DPYD: variants seen among roughly 807,000 people sequenced by gnomAD.
DPYD encodes dihydropyrimidine dehydrogenase [NADP(+)].
In DPYD, 109 loss-of-function variants were observed where a neutral mutation model predicts 116.2. The ratio of observed to expected loss-of-function variants is 0.94; its 90% CI spans 0.80 to 1.10. DPYD has a LOEUF of 1.10. DPYD is among the 50% of genes least tolerant of loss of function. The probability of loss-of-function intolerance (pLI) is 0.00; values close to 1 mark genes in which losing one functional copy is unlikely to be tolerated. For missense variants in DPYD, 1,302 were observed against 1,254.5 expected (o/e 1.04, Z -0.57); for synonymous variants, 440 against 432.0 (o/e 1.02, Z -0.23).
chr1:97,808,319 A>G (rs763996573), intron 3 of DPYD, among the ~76,000 whole-genome samples: 22 of 152,014 alleles, frequency 1.4e-4, no homozygotes, highest in Non-Finnish European at 2.5e-4. Context: ...CCTCATATAG[A>G]TTTTGTACCT....
chr1:97,753,342 A>G (rs1016960984), intron 3 of DPYD, among the ~76,000 whole-genome samples: 5 of 152,206 alleles, frequency 3.3e-5, no homozygotes, highest in African/African-American at 1.2e-4. Flanking sequence ...CTAAAAATCT[A>G]TAATTCTGGT....
At chr1:97,089,451 T>C (rs1013445477) in intron 21 of DPYD, among the ~76,000 whole-genome samples, 2 of 152,182 alleles carry the variant, frequency 1.3e-5, no homozygotes, top group African/African-American at 4.8e-5. Context: ...TGGTTTCTTT[T>C]CTCTAGCACA....
intron 2 of DPYD, among the ~76,000 whole-genome samples, chr1:97,862,902 C>T (rs1041883901): frequency 7.9e-5 from 12 of 151,782 alleles, no homozygotes; most frequent in African/African-American, 2.2e-4. Context: ...GAAAAACATG[C>T]CCATTTGGAC....
intron 3 of DPYD, among the ~76,000 whole-genome samples, chr1:97,803,927 TAA>T (rs1667957355): frequency 6.6e-6 from 1 of 151,856 alleles, no homozygotes; most frequent in African/African-American, 2.4e-5. Context: ...TACCTGGACT[TAA>T]AATATCAAGA....
intron 8 of DPYD, among the ~76,000 whole-genome samples, chr1:97,614,737 T>C (rs1392699057): frequency 6.6e-6 from 1 of 152,162 alleles, no homozygotes; most frequent in African/African-American, 2.4e-5. Flanking sequence ...ATGTACAGGA[T>C]TATTTAATGT....
At chr1:97,668,331 G>A (rs1188932156) in intron 8 of DPYD, among the ~76,000 whole-genome samples, 1 of 151,968 alleles carries the variant, frequency 6.6e-6, no homozygotes, top group Non-Finnish European at 1.5e-5. Flanking sequence ...TACTTGAGAA[G>A]GTTACTTAAT....
chr1:97,383,759 A>G (rs985367806), intron 14 of DPYD, among the ~76,000 whole-genome samples: 1 of 152,144 alleles, frequency 6.6e-6, no homozygotes, highest in Non-Finnish European at 1.5e-5. Flanking sequence ...TTGCTAGCCC[A>G]AAGCACATAC....
intron 10 of DPYD, 149 bp downstream of exon 10, chr1:97,593,069 G>A: frequency 3.3e-6 from 3 of 906,842 alleles, no homozygotes; most frequent in Non-Finnish European, 5.0e-6. Flanking sequence ...TGGAATGTCT[G>A]AATTAGAAAA....
At chr1:97,180,356 C>A (rs1466559775) in intron 20 of DPYD, among the ~76,000 whole-genome samples, 3 of 152,022 alleles carry the variant, frequency 2.0e-5, no homozygotes, top group Non-Finnish European at 4.4e-5. Flanking sequence ...GGAGATATAA[C>A]AAATACATGT....
At chr1:97,762,572 A>G (rs1478770739) in intron 3 of DPYD, among the ~76,000 whole-genome samples, 1 of 152,130 alleles carries the variant, frequency 6.6e-6, no homozygotes, top group East Asian at 1.9e-4. Context: ...AAAACTGCTT[A>G]GATTTTGTTA....
chr1:97,722,210 G>T (rs143355594), intron 4 of DPYD, among the ~76,000 whole-genome samples: 50 of 151,520 alleles, frequency 3.3e-4, no homozygotes, highest in African/African-American at 1.0e-3. Context: ...TAATCAAAAG[G>T]AAGAATTGCA....
chr1:97,865,447 G>A (rs921647628), intron 2 of DPYD, among the ~76,000 whole-genome samples: 4 of 151,778 alleles, frequency 2.6e-5, no homozygotes, highest in Admixed American at 2.6e-4. Flanking sequence ...TCAATACTGG[G>A]TATTCATTCA....
chr1:97,469,469 T>C (rs1461650877), intron 13 of DPYD, among the ~76,000 whole-genome samples: 1 of 150,168 alleles, frequency 6.7e-6, no homozygotes, highest in Admixed American at 6.7e-5. Flanking sequence ...AGAAACCTTT[T>C]TGGTTGTAGT....
intron 18 of DPYD, among the ~76,000 whole-genome samples, chr1:97,268,494 T>C (rs575227174): frequency 3.8e-4 from 58 of 152,236 alleles, no homozygotes; most frequent in South Asian, 1.0e-3. Flanking sequence ...GAGAGATCCT[T>C]TGAAATCTAG....
chr1:97,414,506 C>T (rs982242744), intron 14 of DPYD, among the ~76,000 whole-genome samples: 1 of 152,064 alleles, frequency 6.6e-6, no homozygotes, highest in Admixed American at 6.6e-5. Flanking sequence ...TTTCATGGTG[C>T]CATTTTTCTG....
At chr1:97,878,136 T>C (rs1210648285) in intron 2 of DPYD, among the ~76,000 whole-genome samples, 1 of 151,974 alleles carries the variant, frequency 6.6e-6, no homozygotes, top group Non-Finnish European at 1.5e-5. Flanking sequence ...CTGCCTGCCT[T>C]TTCCATGCTA....
intron 1 of DPYD, among the ~76,000 whole-genome samples, chr1:97,913,307 G>A (rs1027912633): frequency 1.3e-5 from 2 of 152,182 alleles, no homozygotes; most frequent in Admixed American, 6.5e-5. Flanking sequence ...TACCAAGTAT[G>A]TAAATCGAGG....
chr1:97,778,189 AGAG>A (rs1420078475), intron 3 of DPYD, among the ~76,000 whole-genome samples: 2 of 85,464 alleles, frequency 2.3e-5, no homozygotes, highest in African/African-American at 7.8e-5. Context: ...AAAGAAAGAA[AGAG>A]AGAGAGAGAG....
Position 97,420,634 on chromosome 1 carries a change from C to A in DPYD, c.1905+29425G>T, listed in dbSNP as rs564885388. 1.4e-4 allele frequency among the ~76,000 whole-genome samples: 21 copies of A among 152,170 alleles called. No individual in the cohort carries two copies. In the South Asian group the frequency reaches 1.7e-3, roughly 12 times the overall value. On this transcript the variant is annotated intron_variant, in intron 14 of 22. Coordinates refer to ENST00000370192, the MANE Select transcript of DPYD (RefSeq NM_000110.4). ...ACGGCCTTTCGTAACTGGGCTCCTG[C>A]GGTCTAGGGATCTCTTTCCAACCAT... is the stretch of plus-strand genomic sequence containing the variant.
Sources: allele counts gnomAD v4.1 joint callset (sites outside exome capture counted in the v4.1 genomes callset), GRCh38; gene constraint gnomAD v4.1.1; transcripts MANE v1.5; gene names NCBI Gene and HGNC (gene_info 2026-07-23, HGNC 2026-07-21).